Variants in IREB2 observed in about 807,000 individuals in gnomAD.
IREB2 encodes iron responsive element binding protein 2.
IREB2 carries 39 observed loss-of-function variants against 118.8 expected under a neutral mutation model. The ratio of observed to expected loss-of-function variants is 0.33; its 90% confidence interval spans 0.25 to 0.43. The LOEUF is 0.43. Among genes scored for constraint, IREB2 ranks in the 20% least tolerant of loss-of-function variants. The pLI is 1.00. For synonymous variants in IREB2, 372 were observed against 392.2 expected (o/e 0.95, Z 0.61); for missense variants, 900 against 1,147.3 (o/e 0.78, Z 3.11).
At chr15:78,480,868 G>T (rs1339950474) in intron 10 of IREB2, among the ~76,000 whole-genome samples, 2 of 151,318 alleles carry the variant, frequency 1.3e-5, no homozygotes, top group Non-Finnish European at 2.9e-5. Context: ...AATTAGCTGG[G>T]CATGGTGGCA....
chr15:78,492,035 A>C (rs1438519261), intron 18 of IREB2, among the ~76,000 whole-genome samples: 1 of 152,196 alleles, frequency 6.6e-6, no homozygotes, highest in Admixed American at 6.5e-5. Flanking sequence ...AGTAGTGCTC[A>C]TCAATTAGAA....
chr15:78,451,529 T>A (rs1289745400), intron 2 of IREB2, among the ~76,000 whole-genome samples: 1 of 152,186 alleles, frequency 6.6e-6, no homozygotes, highest in Non-Finnish European at 1.5e-5. Flanking sequence ...TAACAGTTTT[T>A]CTGCTTCTTA....
In IREB2 at chr15:78,501,035, T is replaced by C. The variant is rs1036660634; in HGVS notation, c.*2892T>C. 1 of 152,200 alleles carries C rather than the reference T, an allele frequency of 6.6e-6. No homozygotes were observed. The highest frequency in any genetic ancestry group is 1.5e-5 in the Non-Finnish European group (1 of 68,034). 9.4% of individuals were successfully genotyped at this position (152,200 alleles called of 1,614,324 possible). ...TATTTGACATTTTTCTGTGGTTGAA[T>C]AGAAGACACCTTTCTTTTGTCTTTA... On this transcript the variant is annotated 3_prime_UTR_variant, in exon 22 of 22. Transcript: ENST00000258886.
At chr15:78,443,458 A>G (rs1016327358) in intron 2 of IREB2, among the ~76,000 whole-genome samples, 1 of 152,140 alleles carries the variant, frequency 6.6e-6, no homozygotes, top group Non-Finnish European at 1.5e-5. Flanking sequence ...AGAGTTCAAC[A>G]CAGATTATTT....
chr15:78,450,312 A>G (rs2051001998), intron 2 of IREB2, among the ~76,000 whole-genome samples: 3 of 152,368 alleles, frequency 2.0e-5, no homozygotes, highest in South Asian at 2.1e-4. Context: ...ATTATTAACT[A>G]TGGTAAGAGT....
chr15:78,445,035 T>C (rs1198779820), intron 2 of IREB2, among the ~76,000 whole-genome samples: 6 of 152,218 alleles, frequency 3.9e-5, no homozygotes, highest in East Asian at 1.9e-4. Context: ...TGCAAACTTA[T>C]CATTATATAG....
chr15:78,494,539 A>C (rs2051807306), intron 20 of IREB2, among the ~76,000 whole-genome samples: 2 of 152,044 alleles, frequency 1.3e-5, no homozygotes, highest in Non-Finnish European at 2.9e-5. Context: ...TCTGTTTTAA[A>C]CTATTGTTTT....
chr15:78,457,877 A>G (rs1421060630), intron 2 of IREB2, among the ~76,000 whole-genome samples: 3 of 152,064 alleles, frequency 2.0e-5, no homozygotes, highest in Non-Finnish European at 2.9e-5. Context: ...CCTTCTCATT[A>G]TCTCCAAATG....
At chr15:78,444,062 A>C (rs1314761170) in intron 2 of IREB2, among the ~76,000 whole-genome samples, 1 of 148,264 alleles carries the variant, frequency 6.7e-6, no homozygotes, top group African/African-American at 2.5e-5. Flanking sequence ...GTAACTCTTT[A>C]AAAAAAAAAA....
At chr15:78,467,747 T>C (rs2051308562) in intron 5 of IREB2, among the ~76,000 whole-genome samples, 1 of 152,216 alleles carries the variant, frequency 6.6e-6, no homozygotes, top group Non-Finnish European at 1.5e-5. Context: ...TTCCAAACTT[T>C]TAAAATTTAT....
Position 78,497,115 on chromosome 15 carries a change from A to C in IREB2, c.2596-11A>C. The C allele has an allele frequency of 1.2e-6, 2 of 1,604,436 alleles. No homozygotes were observed. Among genetic ancestry groups the C allele is most frequent in the Non-Finnish European group, 1.7e-6 (2 of 1,171,324 alleles). On this transcript the variant is annotated splice_polypyrimidine_tract_variant and intron_variant, in intron 20 of 21. Coordinates refer to ENST00000258886, the MANE Select transcript of IREB2 (RefSeq NM_004136.4). ...AGTGATTAGAGGGAATAAAATGCACATTTATTACAGGGTGTGAAAGCTGTT... is the reference window on the plus strand; with the variant it reads ...AGTGATTAGAGGGAATAAAATGCACCTTTATTACAGGGTGTGAAAGCTGTT...
chr15:78,494,998 G>A (rs1163647478), intron 20 of IREB2, among the ~76,000 whole-genome samples: 1 of 152,218 alleles, frequency 6.6e-6, no homozygotes, highest in African/African-American at 2.4e-5. Context: ...AGATTGTGGT[G>A]CCTGGCTGTC....
Position 78,483,457 on chromosome 15 carries a change from G to A in IREB2, c.1413+23G>A, listed in dbSNP as rs764981773. On this transcript the variant is annotated intron_variant, in intron 11 of 21. Transcript: ENST00000258886. Reference sequence around the variant, plus strand: ...AAGGTAGGTTACTTTATTCTTATCCGTGTTTTTCAACCCGCTTTGTGCTAA... The same window carrying A: ...AAGGTAGGTTACTTTATTCTTATCCATGTTTTTCAACCCGCTTTGTGCTAA... The A allele has an allele frequency of 5.4e-5, 71 of 1,319,816 alleles. 3 individuals are homozygous for A. Among genetic ancestry groups the A allele is most frequent in the African/African-American group, 1.5e-4 (10 of 68,898 alleles). 81.8% of individuals were successfully genotyped at this position (1,319,816 alleles called of 1,614,324 possible).
intron 2 of IREB2, among the ~76,000 whole-genome samples, chr15:78,452,617 A>G (rs1403064735): frequency 6.6e-6 from 1 of 152,172 alleles, no homozygotes; most frequent in Non-Finnish European, 1.5e-5. Flanking sequence ...GTTAAGAACT[A>G]TAAAGGAGGC....
chr15:78,488,533 C>A, intron 15 of IREB2, 114 bp from the exon 16 acceptor site: 1 of 1,116,620 alleles, frequency 9.0e-7, no homozygotes, highest in Non-Finnish European at 1.3e-6. Flanking sequence ...GCCGCTTAAG[C>A]CTGAAGCACC....
intron 10 of IREB2, among the ~76,000 whole-genome samples, chr15:78,479,816 G>A (rs2051535367): frequency 1.3e-5 from 2 of 151,932 alleles, no homozygotes; most frequent in Admixed American, 1.3e-4. Flanking sequence ...ACATCCTCAG[G>A]AGGCTGAGTA....
At chr15:78,491,502 T>G (rs148251682) in intron 18 of IREB2, among the ~76,000 whole-genome samples, 7 of 40,008 alleles carry the variant, frequency 1.7e-4, no homozygotes, top group Admixed American at 7.7e-4. Context: ...ATGTATTTAT[T>G]TATGTATTTA....
chr15:78,473,449 T>G, intron 8 of IREB2, 68 bp downstream of exon 8: 5 of 1,385,142 alleles, frequency 3.6e-6, no homozygotes, highest in Middle Eastern at 2.0e-4. Flanking sequence ...AAGAGCTCTA[T>G]GAGAGCAGGG....
rs1411382271 is a variant in IREB2 at position 78,500,792 on chromosome 15, G to A, written c.*2649G>A. The A allele has an allele frequency of 6.6e-6, 1 of 152,178 alleles. No individual in the cohort carries two copies. Among genetic ancestry groups the A allele is most frequent in the Non-Finnish European group, 1.5e-5 (1 of 68,018 alleles). The allele number at this position is 152,178 out of a possible 1,614,324, so 9.4% of individuals were successfully genotyped here. ...TATCTAAAAAGTTTCTAAGATGACA[G>A]TTATCACTATTTTGTTTTATCTCCA... On this transcript the variant is annotated 3_prime_UTR_variant, in exon 22 of 22. Transcript: ENST00000258886.
Sources: allele counts gnomAD v4.1 joint callset (sites outside exome capture counted in the v4.1 genomes callset), GRCh38; gene constraint gnomAD v4.1.1; transcripts MANE v1.5; gene names NCBI Gene and HGNC (gene_info 2026-07-23, HGNC 2026-07-21).